Variants in GALNT1 observed in about 807,000 individuals in gnomAD.
GALNT1 encodes the protein GalNAc transferase 1.
In GALNT1, 17 loss-of-function variants were observed where a neutral mutation model predicts 65.7. The observed-to-expected ratio is 0.26, with a 90% CI of 0.18 to 0.39. The LOEUF (loss-of-function observed/expected upper bound fraction) is 0.39, where lower values mean the gene tolerates loss of function less well. GALNT1 is among the 10% of genes least tolerant of loss of function. The pLI is 1.00. For synonymous variants in GALNT1, 210 were observed against 219.7 expected (o/e 0.96, Z 0.39); for missense variants, 460 against 672.8 (o/e 0.68, Z 3.50).
At chr18:35,651,008 A>G (rs1369666738) in intron 1 of GALNT1, among the ~76,000 whole-genome samples, 1 of 152,222 alleles carries the variant, frequency 6.6e-6, no homozygotes, top group Non-Finnish European at 1.5e-5. Context: ...AAAGACAGGC[A>G]TAAGAAATTA....
intron 2 of GALNT1, among the ~76,000 whole-genome samples, chr18:35,657,528 GAC>G (rs1464567214): frequency 6.6e-6 from 1 of 152,184 alleles, no homozygotes; most frequent in Non-Finnish European, 1.5e-5. Context: ...AGAGTTGGAA[GAC>G]ACAGACTCCC....
At chr18:35,599,110 C>T (rs1383017376) in intron 1 of GALNT1, among the ~76,000 whole-genome samples, 1 of 146,758 alleles carries the variant, frequency 6.8e-6, no homozygotes, top group Admixed American at 7.0e-5. Flanking sequence ...CCTTGTAATT[C>T]TGGTTATTAA....
chr18:35,677,026 G>A (rs2047720673), intron 3 of GALNT1, among the ~76,000 whole-genome samples: 1 of 152,088 alleles, frequency 6.6e-6, no homozygotes, highest in Admixed American at 6.6e-5. Context: ...GGAACAGCAG[G>A]GCATGGGCTG....
At chr18:35,706,951 A>C (rs1244209063) in intron 11 of GALNT1, among the ~76,000 whole-genome samples, 5 of 152,200 alleles carry the variant, frequency 3.3e-5, no homozygotes. Context: ...TTTTTATACA[A>C]GTAGAAATTG....
intron 9 of GALNT1, 47 bp from the exon 10 acceptor site, chr18:35,702,850 A>G (rs2048187859): frequency 7.5e-7 from 1 of 1,324,780 alleles, no homozygotes; most frequent in Non-Finnish European, 1.1e-6. Context: ...TGTCTGTCTA[A>G]TTAACTTCTC....
At chr18:35,647,947 C>A (rs57783590) in intron 1 of GALNT1, among the ~76,000 whole-genome samples, 2 of 151,406 alleles carry the variant, frequency 1.3e-5, no homozygotes, top group African/African-American at 4.9e-5. Context: ...TTTGGGAGGC[C>A]GTGGTGGGTG....
At chr18:35,596,955 C>T (rs2046513024) in intron 1 of GALNT1, 1 of 152,210 alleles carries the variant, frequency 6.6e-6, no homozygotes, top group Non-Finnish European at 1.5e-5. Context: ...TAGAATCCAC[C>T]TCCGCCTAAC....
At chr18:35,587,572 T>C (rs1784875695) in intron 1 of GALNT1, among the ~76,000 whole-genome samples, 1 of 152,196 alleles carries the variant, frequency 6.6e-6, no homozygotes, top group African/African-American at 2.4e-5. Flanking sequence ...TTGAATTTTA[T>C]TGTGTTTTTT....
At chr18:35,642,960 G>C (rs926936677) in intron 1 of GALNT1, among the ~76,000 whole-genome samples, 15 of 151,918 alleles carry the variant, frequency 9.9e-5, no homozygotes, top group African/African-American at 3.6e-4. Flanking sequence ...CTCCATGTCG[G>C]GGGCAGTGTG....
At chr18:35,642,073 A>G (rs1268534075) in intron 1 of GALNT1, among the ~76,000 whole-genome samples, 1 of 152,188 alleles carries the variant, frequency 6.6e-6, no homozygotes, top group Non-Finnish European at 1.5e-5. Flanking sequence ...GCATGACTCA[A>G]AAAGCCTGAA....
intron 4 of GALNT1, among the ~76,000 whole-genome samples, chr18:35,681,032 T>A (rs2047779429): frequency 6.6e-6 from 1 of 152,112 alleles, no homozygotes; most frequent in African/African-American, 2.4e-5. Flanking sequence ...AGGTTAGGAG[T>A]TAGATTTATT....
intron 1 of GALNT1, among the ~76,000 whole-genome samples, chr18:35,649,897 T>C (rs967239989): frequency 6.6e-6 from 1 of 152,166 alleles, no homozygotes; most frequent in Non-Finnish European, 1.5e-5. Flanking sequence ...AGTGCTAAGG[T>C]TAGCACTCAC....
chr18:35,586,139 A>G (rs1194061993), intron 1 of GALNT1, among the ~76,000 whole-genome samples: 1 of 152,182 alleles, frequency 6.6e-6, no homozygotes, highest in Non-Finnish European at 1.5e-5. Context: ...CCATTTAGCC[A>G]TTCTGATAGG....
At chr18:35,646,664 G>A (rs2144335330) in intron 1 of GALNT1, among the ~76,000 whole-genome samples, 1 of 152,340 alleles carries the variant, frequency 6.6e-6, no homozygotes, top group South Asian at 2.1e-4. Context: ...ATCATATTCT[G>A]TTGGTTAGAA....
intron 1 of GALNT1, among the ~76,000 whole-genome samples, chr18:35,621,559 A>AG (rs1171761572): frequency 0.056 from 7,800 of 139,704 alleles, 410 homozygotes; most frequent in African/African-American, 0.1. Context: ...CATTATCTGT[A>AG]TGTATCTGAA....
chr18:35,583,407 A>C (rs1387806333), intron 1 of GALNT1, among the ~76,000 whole-genome samples: 1 of 152,218 alleles, frequency 6.6e-6, no homozygotes, highest in Admixed American at 6.5e-5. Flanking sequence ...CTTAAGCAGC[A>C]GACTGCAAAA....
intron 7 of GALNT1, 138 bp downstream of exon 7, chr18:35,689,428 A>T (rs2144646729): frequency 1.7e-6 from 1 of 603,368 alleles, no homozygotes; most frequent in South Asian, 2.2e-5. Flanking sequence ...TTCAGTCCAT[A>T]AAAAGGACTG....
At chr18:35,686,571 T>TGACA in intron 5 of GALNT1, among the ~76,000 whole-genome samples, 1 of 152,282 alleles carries the variant, frequency 6.6e-6, no homozygotes, top group South Asian at 2.1e-4. Context: ...TCTTGATTTA[T>TGACA]GACAGAGCAG....
At chr18:35,664,688 C>T (rs772155793) in intron 3 of GALNT1, among the ~76,000 whole-genome samples, 4 of 152,180 alleles carry the variant, frequency 2.6e-5, no homozygotes, top group African/African-American at 9.7e-5. Context: ...TCTAGTTGCT[C>T]CATAAGAAGA....
Sources: allele counts gnomAD v4.1 joint callset (sites outside exome capture counted in the v4.1 genomes callset), GRCh38; gene constraint gnomAD v4.1.1; transcripts MANE v1.5; gene names NCBI Gene and HGNC (gene_info 2026-07-23, HGNC 2026-07-21).